Variants in TG observed in about 807,000 individuals in gnomAD.
TG encodes thyroglobulin.
A neutral mutation model predicts 324.7 loss-of-function variants in TG; 270 were observed. That is an observed-to-expected ratio of 0.83 (90% confidence interval 0.75 to 0.92). TG has a LOEUF of 0.92. Among genes scored for constraint, TG ranks in the 40% least tolerant of loss-of-function variants. The probability of loss-of-function intolerance (pLI) is 0.00; values close to 1 mark genes in which losing one functional copy is unlikely to be tolerated. For synonymous variants in TG, 1,401 were observed against 1,327.0 expected (o/e 1.06, Z -1.21); for missense variants, 3,591 against 3,456.4 (o/e 1.04, Z -0.98).
At position 133,109,731 on chromosome 8, in the gene TG, C is replaced by A. The variant is rs117796386; in HGVS notation, c.7573-3691C>A. ...CAGGGACCCAGCACAGCATCTGACACGCAATGGGTGCTTGGTGCGTGGCAC... is the reference window on the plus strand; with the variant it reads ...CAGGGACCCAGCACAGCATCTGACAAGCAATGGGTGCTTGGTGCGTGGCAC... On this transcript the variant is annotated intron_variant, in intron 43 of 47. Transcript: ENST00000220616. Among the ~76,000 whole-genome samples, 172 of 152,270 alleles carry A rather than the reference C, an allele frequency of 1.1e-3. 2 individuals carry two copies. In the South Asian group the frequency reaches 0.017, roughly 15 times the overall value.
chr8:132,887,876 G>C (rs1318387089), intron 9 of TG, 108 bp from the exon 10 acceptor site: 1 of 1,050,610 alleles, frequency 9.5e-7, no homozygotes, highest in Non-Finnish European at 1.4e-6. Flanking sequence ...TATTTCTATG[G>C]CTATATAAGG....
intron 27 of TG, among the ~76,000 whole-genome samples, chr8:132,956,569 A>G (rs1826902497): frequency 6.6e-6 from 1 of 152,186 alleles, no homozygotes; most frequent in African/African-American, 2.4e-5. Context: ...CTAGGCAGAG[A>G]GAAAAAGGCA....
In TG at chr8:132,871,365, C is replaced by T; in HGVS notation, c.292C>T (p.Leu98=). ...ACCCACAGGTCTGTCATTTTGTCAGCTACAGAAACAGCAGATCTTACTGAG... is the reference window on the plus strand; with the variant it reads ...ACCCACAGGTCTGTCATTTTGTCAGTTACAGAAACAGCAGATCTTACTGAG... The part of the protein sequence containing the change: ...RPVACLSFCQ[L]QKQQILLSGY... The change falls in exon 4 of 48, where the codon CTA becomes TTA. Residue 98 remains leucine, a synonymous_variant. Coordinates refer to ENST00000220616, the MANE Select transcript of TG (RefSeq NM_003235.5). 6.2e-7 allele frequency: 1 copy of T among 1,614,226 alleles called. No individual in the cohort carries two copies. Among genetic ancestry groups the T allele is most frequent in the Non-Finnish European group, 8.5e-7 (1 of 1,180,040 alleles).
At chr8:133,018,056 T>A in intron 38 of TG, 59 bp downstream of exon 38, 1 of 1,536,534 alleles carries the variant, frequency 6.5e-7, no homozygotes, top group South Asian at 1.1e-5. Context: ...TCCATTCTAA[T>A]CTATCCAAAT....
Position 133,029,843 on chromosome 8 carries a change from C to T in TG, c.7059C>T (p.Asn2353=). The change falls in exon 41 of 48, where the codon AAC becomes AAT. Residue 2353 remains asparagine (N), a synonymous_variant. Coordinates refer to ENST00000220616, the MANE Select transcript of TG (RefSeq NM_003235.5). ...LSSGSGEVSG[N]WGLLDQVAAL... is the part of the protein sequence containing the mutation. ...AAGGGTCCGGAGAGGTGAGTGGCAA[C>T]TGGGGGCTGCTGGACCAGGTGGCGG... is the stretch of plus-strand genomic sequence containing the variant. The T allele has an allele frequency of 6.2e-7, 1 of 1,614,170 alleles. No individual in the cohort carries two copies. Among genetic ancestry groups the T allele is most frequent in the South Asian group, 1.1e-5 (1 of 91,088 alleles).
chr8:133,037,845 C>T (rs755103400), intron 41 of TG: 2 of 152,296 alleles, frequency 1.3e-5, no homozygotes, highest in Non-Finnish European at 2.9e-5. Flanking sequence ...TGCCAGCAGT[C>T]TTCCTCTCTC....
chr8:133,063,967 A>G (rs184110884), intron 41 of TG: 4 of 152,374 alleles, frequency 2.6e-5, no homozygotes, highest in African/African-American at 7.2e-5. Context: ...TACCGGAGAC[A>G]TAATTGCTTC....
intron 35 of TG, among the ~76,000 whole-genome samples, chr8:132,987,011 C>A (rs1245706928): frequency 6.6e-6 from 1 of 152,070 alleles, no homozygotes; most frequent in Non-Finnish European, 1.5e-5. Flanking sequence ...AATGCTTCCA[C>A]TCTATTTTTG....
intron 5 of TG, among the ~76,000 whole-genome samples, chr8:132,878,115 GAAA>G (rs1814094688): frequency 6.6e-6 from 1 of 151,974 alleles, no homozygotes; most frequent in South Asian, 2.1e-4. Context: ...CCAAAGAAAA[GAAA>G]AAAATAGTCT....
chr8:132,928,123 A>AT (rs961418360), intron 22 of TG, among the ~76,000 whole-genome samples: 6 of 151,988 alleles, frequency 3.9e-5, no homozygotes, highest in Admixed American at 1.3e-4. Context: ...AGGAATAAAC[A>AT]TTTTTTTTCT....
intron 4 of TG, 22 bp downstream of exon 4, chr8:132,871,573 C>T (rs965778991): frequency 1.2e-6 from 2 of 1,609,958 alleles, no homozygotes; most frequent in Admixed American, 1.7e-5. Flanking sequence ...TGAGCGCCTG[C>T]ACCCCTAGAG....
intron 41 of TG, among the ~76,000 whole-genome samples, chr8:133,045,523 T>C (rs190897038): frequency 1.3e-5 from 2 of 150,410 alleles, no homozygotes; most frequent in Non-Finnish European, 2.9e-5. Context: ...GCCTCCAGAG[T>C]AGCTGGGACT....
chr8:133,094,725 T>A (rs7018140), intron 41 of TG: 6,505 of 415,284 alleles, frequency 0.016, 383 homozygotes, highest in African/African-American at 0.12. Context: ...CAATCTCCGA[T>A]CCTCTTAAAG....
chr8:132,967,208 A>G (rs1315212678), intron 30 of TG, among the ~76,000 whole-genome samples: 2 of 120,090 alleles, frequency 1.7e-5, no homozygotes, highest in African/African-American at 8.7e-5. Flanking sequence ...CCATCCAACC[A>G]TCCATCCATC....
At chr8:132,870,665 C>A (rs934586078) in intron 3 of TG, among the ~76,000 whole-genome samples, 30 of 151,974 alleles carry the variant, frequency 2.0e-4, no homozygotes, top group Non-Finnish European at 1.5e-5. Flanking sequence ...GCAGGCTGTG[C>A]CGAAGCATGC....
At chr8:133,066,242 C>T (rs761830475) in intron 41 of TG, among the ~76,000 whole-genome samples, 2 of 145,940 alleles carry the variant, frequency 1.4e-5, no homozygotes, top group Non-Finnish European at 3.0e-5. Context: ...AAGAGAACGG[C>T]GTGAACCCAG....
Position 132,888,147 on chromosome 8 carries a change from G to A in TG, c.2340G>A (p.Gln780=), listed in dbSNP as rs1481206206. 3 of 1,613,998 alleles carry A rather than the reference G, an allele frequency of 1.9e-6. No individual in the cohort carries two copies. Among genetic ancestry groups the A allele is most frequent in the Admixed American group, 1.7e-5 (1 of 59,992 alleles). Residue 780 remains glutamine, a synonymous_variant, in exon 10 of 48, where the codon CAG becomes CAA. Coordinates refer to ENST00000220616, the MANE Select transcript of TG (RefSeq NM_003235.5). ...RQVQCNGPPE[Q]VFELYQRWEA... ...TGCAATGCAATGGGCCTCCTGAGCA[G>A]GTCTTCGAGTTGTACCAACGATGGG...
chr8:132,940,990 T>C (rs1452584408), intron 25 of TG, among the ~76,000 whole-genome samples: 1 of 152,206 alleles, frequency 6.6e-6, no homozygotes, highest in African/African-American at 2.4e-5. Flanking sequence ...TGAAACCACG[T>C]AGGTAGAGCA....
chr8:132,913,101 G>A lies in TG; in HGVS notation c.4214G>A (p.Ser1405Asn), dbSNP rs372049713. The A allele has an allele frequency of 1.2e-5, 20 of 1,614,098 alleles. No homozygotes were observed. Among genetic ancestry groups the A allele is most frequent in the Non-Finnish European group, 1.6e-5 (19 of 1,180,046 alleles). The change falls in exon 20 of 48, where the codon AGT (serine) becomes AAT (asparagine). Residue 1405 changes from serine (S) to asparagine (N), a missense_variant. Physicochemically the swap from Ser to Asn is conservative, Grantham distance 46. Transcript: ENST00000220616. ...LLGRFTDLIQSGSFQLHLDSK... is the reference protein window; with the variant it reads ...LLGRFTDLIQNGSFQLHLDSK... ...GGGCGCTTCACAGATCTGATCCAGA[G>A]TGGCTCATTCCAGCTTCATCTGGAC... is the stretch of plus-strand genomic sequence containing the variant.
Sources: allele counts gnomAD v4.1 joint callset (sites outside exome capture counted in the v4.1 genomes callset), GRCh38; gene constraint gnomAD v4.1.1; transcripts MANE v1.5; gene names NCBI Gene and HGNC (gene_info 2026-07-23, HGNC 2026-07-21).